RNF40: variants seen among roughly 807,000 people sequenced by gnomAD.
RNF40 encodes E3 ubiquitin-protein ligase BRE1B.
RNF40 carries 39 observed loss-of-function variants against 123.3 expected under a neutral mutation model. The ratio of observed to expected loss-of-function variants is 0.32; its 90% CI spans 0.24 to 0.41. The LOEUF (loss-of-function observed/expected upper bound fraction) is 0.41. Ranked by LOEUF, RNF40 falls within the 10% of genes least tolerant of loss-of-function variation. The pLI is 1.00. For missense variants in RNF40, 1,003 were observed against 1,319.9 expected (o/e 0.76, Z 3.72); for synonymous variants, 538 against 526.0 (o/e 1.02, Z -0.31).
Position 30,775,176 on chromosome 16 carries a change from A to G in RNF40, c.*1062A>G, listed in dbSNP as rs1344115424. 1.1e-5 allele frequency: 4 copies of G among 353,980 alleles called. No homozygotes were observed. Among genetic ancestry groups the G allele is most frequent in the South Asian group, 4.2e-5 (2 of 48,006 alleles). The allele number at this position is 353,980 out of a possible 1,614,324, so 21.9% of individuals were successfully genotyped here. A position where few individuals can be genotyped will look rare whatever the true frequency, so the allele number is the denominator to read the frequency against. On this transcript the variant is annotated 3_prime_UTR_variant, in exon 20 of 20. Coordinates refer to ENST00000324685, the MANE Select transcript of RNF40 (RefSeq NM_014771.4). The stretch of plus-strand genomic sequence containing the variant: ...GTTAATTGTGATGAATAAACGTTCA[A>G]CCCTCGGCCTGCAGCCAGAGTAGCC...
chr16:30,763,169 C>G lies in RNF40; in HGVS notation c.184C>G (p.Arg62Gly), dbSNP rs1047310031. The change falls in exon 3 of 20, where the codon CGG becomes GGG. Residue 62 changes from arginine (R) to glycine (G), a missense_variant. Physicochemically the swap from Arg to Gly is moderately radical, Grantham distance 125 (BLOSUM62 -2). This residue lies in a region of RNF40 where 21 missense variants were observed against 43.7 expected (regional missense o/e 0.48). Coordinates refer to ENST00000324685, the MANE Select transcript of RNF40 (RefSeq NM_014771.4). Reference protein sequence around the residue: ...LQFKNKKLAERLEQRQACEDE... With the variant: ...LQFKNKKLAEGLEQRQACEDE... Reference sequence around the variant, plus strand: ...GTTCAAGAACAAGAAACTGGCAGAGCGGCTGGAACAACGGCAGGCTTGTGA... The same window carrying G: ...GTTCAAGAACAAGAAACTGGCAGAGGGGCTGGAACAACGGCAGGCTTGTGA... The G allele has an allele frequency of 1.2e-6, 2 of 1,613,854 alleles. No individual in the cohort carries two copies. Among genetic ancestry groups the G allele is most frequent in the African/African-American group, 1.3e-5 (1 of 74,912 alleles).
Position 30,768,095 on chromosome 16 carries a change from C to T in RNF40, c.1552-8C>T, listed in dbSNP as rs1237464973. 9.3e-6 allele frequency: 15 copies of T among 1,611,680 alleles called. No homozygotes were observed. The Admixed American group carries it at 2.3e-4, about 25-fold the overall frequency. ...TGACTTCATCCCTCTTCCTCTCTGCCTTTGCAGCTCCGGGCCCAGGCCAGT... is the reference window on the plus strand; with the variant it reads ...TGACTTCATCCCTCTTCCTCTCTGCTTTTGCAGCTCCGGGCCCAGGCCAGT... On this transcript the variant is annotated splice_polypyrimidine_tract_variant and splice_region_variant and intron_variant, in intron 12 of 19. Transcript: ENST00000324685. This position sits in a 1 kb window ranked among gnomAD's most constrained non-coding sequence, Gnocchi z 4.1.
rs1198161035 is a variant in RNF40 at position 30,774,137 on chromosome 16, G to A, written c.*23G>A. On this transcript the variant is annotated 3_prime_UTR_variant, in exon 20 of 20. Transcript: ENST00000324685. ...TGAACCTGAAACTCAGGGGACTCTG[G>A]AACACCATGGACCCTGGGGGCTGTG... The A allele has an allele frequency of 2.5e-6, 4 of 1,603,216 alleles. No homozygotes were observed. Among genetic ancestry groups the A allele is most frequent in the African/African-American group, 1.3e-5 (1 of 74,668 alleles).
In RNF40 at chr16:30,764,164, G is replaced by T. The variant is rs1413932864; in HGVS notation, c.443-15G>T. Reference sequence around the variant, plus strand: ...GCTGCTCTTATCCTCATGAGGGTCTGTCCATTCCTTCCAGACCCCTTGCTG... The same window carrying T: ...GCTGCTCTTATCCTCATGAGGGTCTTTCCATTCCTTCCAGACCCCTTGCTG... On this transcript the variant is annotated splice_polypyrimidine_tract_variant and intron_variant, in intron 4 of 19. Coordinates refer to ENST00000324685, the MANE Select transcript of RNF40 (RefSeq NM_014771.4). The T allele has an allele frequency of 6.3e-7, 1 of 1,598,846 alleles. No homozygotes were observed. The highest frequency in any genetic ancestry group is 1.7e-5 in the Admixed American group (1 of 58,124).
chr16:30,766,145 C>G lies in RNF40; in HGVS notation c.994-18C>G. ...ACGTCTGGCCCTGCCTCCCATGGCCCTGCCTCCCACTCCTTAGTTTGAGAT... is the reference window on the plus strand; with the variant it reads ...ACGTCTGGCCCTGCCTCCCATGGCCGTGCCTCCCACTCCTTAGTTTGAGAT... On this transcript the variant is annotated intron_variant, in intron 8 of 19. Transcript: ENST00000324685. This position sits in a 1 kb window ranked among gnomAD's most constrained non-coding sequence, Gnocchi z 5.4. 6.2e-7 allele frequency: 1 copy of G among 1,613,708 alleles called. No individual in the cohort carries two copies. Among genetic ancestry groups the G allele is most frequent in the Non-Finnish European group, 8.5e-7 (1 of 1,179,960 alleles).
intron 17 of RNF40, among the ~76,000 whole-genome samples, chr16:30,769,939 A>T (rs1273834731): frequency 6.6e-6 from 1 of 151,848 alleles, no homozygotes; most frequent in Non-Finnish European, 1.5e-5. Flanking sequence ...CTCTACAAAA[A>T]AATTTTAAAA....
rs565207865 is a variant in RNF40 at position 30,776,050 on chromosome 16, A to G, written c.*1936A>G. The G allele has an allele frequency of 4.6e-5, 7 of 152,350 alleles. No individual in the cohort carries two copies. In the East Asian group the frequency reaches 1.4e-3, roughly 29 times the overall value. The allele number at this position is 152,350 out of a possible 1,614,324, so 9.4% of individuals were successfully genotyped here. A position where few individuals can be genotyped will look rare whatever the true frequency, so the allele number is the denominator to read the frequency against. ...TGGGAAAAACGCAGGATATTGCATC[A>G]TAGAGACGCGGCCACCTTCGCCCCT... On this transcript the variant is annotated 3_prime_UTR_variant, in exon 20 of 20. Transcript: ENST00000324685.
Position 30,768,734 on chromosome 16 carries a change from G to A in RNF40, c.2095G>A (p.Glu699Lys), listed in dbSNP as rs1441685970. The A allele has an allele frequency of 1.9e-6, 3 of 1,613,948 alleles. No homozygotes were observed. Among genetic ancestry groups the A allele is most frequent in the South Asian group, 1.1e-5 (1 of 91,082 alleles). The change falls in exon 14 of 20, where the codon GAG becomes AAG. Residue 699 changes from glutamate to lysine, a missense_variant and splice_region_variant. By Grantham distance (56) the Glu-to-Lys change is moderately conservative. Coordinates refer to ENST00000324685, the MANE Select transcript of RNF40 (RefSeq NM_014771.4). The surrounding 1 kb of genome is among the most constrained non-coding windows in gnomAD (Gnocchi z 4.1). ...LMAAERKAKA[E>K]VDELRSRIRE... ...GGCAGCGGAACGCAAGGCTAAGGCC[G>A]AGGTGAGGGCAGCTGGGGCTTGTGG...
chr16:30,762,345 G>T lies in RNF40; in HGVS notation c.-87G>T. 1 of 551,630 alleles carries T rather than the reference G, an allele frequency of 1.8e-6. No individual in the cohort carries two copies. Among genetic ancestry groups the T allele is most frequent in the East Asian group, 3.4e-5 (1 of 29,238 alleles). The allele number at this position is 551,630 out of a possible 1,614,324, so 34.2% of individuals were successfully genotyped here. On this transcript the variant is annotated 5_prime_UTR_variant, in exon 1 of 20. Transcript: ENST00000324685. ...GTGAAATCCAAGATGGCGGCGCTAG[G>T]CTGACCCTCCTGCTGGTGAGGGCTC...
chr16:30,764,477 G>C, intron 5 of RNF40, 92 bp downstream of exon 5: 1 of 1,151,804 alleles, frequency 8.7e-7, no homozygotes, highest in African/African-American at 1.5e-5. Flanking sequence ...CCGAGTCCAA[G>C]GGCGGCCAGA....
In RNF40 at chr16:30,762,639, C is replaced by T; in HGVS notation, c.94C>T (p.Leu32Phe). Residue 32 changes from leucine (L) to phenylalanine (F), a missense_variant, in exon 2 of 20, where the codon CTT becomes TTT. By Grantham distance (22) the Leu-to-Phe change is conservative. Around this residue, in one of 11 missense-constraint regions of RNF40, gnomAD observed 51 missense variants for 56.2 expected, o/e 0.91. Coordinates refer to ENST00000324685, the MANE Select transcript of RNF40 (RefSeq NM_014771.4). ...LSREEKTTTT[L>F]IEPIRLGGIS... ...TCGTGAGGAGAAGACCACCACGACT[C>T]TTATCGAGCCCATTCGTCTTGGAGG... is the stretch of plus-strand genomic sequence containing the variant. The T allele has an allele frequency of 6.2e-7, 1 of 1,612,920 alleles. No homozygotes were observed. The highest frequency in any genetic ancestry group is 8.5e-7 in the Non-Finnish European group (1 of 1,179,798).
rs2053920268 is a variant in RNF40, at chr16:30,763,099, C to T, written c.133-19C>T. 6.2e-7 allele frequency: 1 copy of T among 1,613,016 alleles called. No homozygotes were observed. The highest frequency in any genetic ancestry group is 1.3e-5 in the African/African-American group (1 of 74,902). ...GCCCTGCTTGACGCTCTCGTCGGCCCCTTTGTTTCCTTTGGTAGGAGGAGA... is the reference window on the plus strand; with the variant it reads ...GCCCTGCTTGACGCTCTCGTCGGCCTCTTTGTTTCCTTTGGTAGGAGGAGA... On this transcript the variant is annotated intron_variant, in intron 2 of 19. Transcript: ENST00000324685.
At chr16:30,771,442 C>A (rs924224200) in intron 17 of RNF40, among the ~76,000 whole-genome samples, 12 of 151,848 alleles carry the variant, frequency 7.9e-5, no homozygotes, top group South Asian at 2.1e-4. Flanking sequence ...ACGGTGAAAC[C>A]CCATCTCTAC....
Position 30,763,086 on chromosome 16 carries a change from G to T in RNF40, c.133-32G>T, listed in dbSNP as rs749038679. 12 of 1,611,286 alleles carry T rather than the reference G, an allele frequency of 7.4e-6. No homozygotes were observed. The African/African-American group carries it at 1.3e-4, about 18-fold the overall frequency. On this transcript the variant is annotated intron_variant, in intron 2 of 19. Transcript: ENST00000324685. ...GATTGGTTTGTGGGCCCTGCTTGAC[G>T]CTCTCGTCGGCCCCTTTGTTTCCTT...
intron 5 of RNF40, among the ~76,000 whole-genome samples, 162 bp from the exon 6 acceptor site, chr16:30,764,776 G>T (rs1217685181): frequency 6.6e-6 from 1 of 152,216 alleles, no homozygotes; most frequent in Non-Finnish European, 1.5e-5. Flanking sequence ...CTCTGAGCTG[G>T]TTTCCTTCTC....
chr16:30,768,484 A>G lies in RNF40; in HGVS notation c.1933A>G (p.Lys645Glu). The G allele has an allele frequency of 6.2e-7, 1 of 1,609,778 alleles. No individual in the cohort carries two copies. Among genetic ancestry groups the G allele is most frequent in the Non-Finnish European group, 8.5e-7 (1 of 1,177,490 alleles). ...DREKAKVEET[K>E]RKESELLKGL... is the part of the protein sequence containing the mutation. ...GGAGAAGGCCAAGGTGGAAGAAACC[A>G]AGCGGAAGGAATCAGAACTCCTCAA... The change falls in exon 13 of 20, where the codon AAG becomes GAG. Residue 645 changes from lysine (K) to glutamate (E), a missense_variant. Physicochemically the swap from Lys to Glu is moderately conservative, Grantham distance 56. This residue lies in a region of RNF40 where 295 missense variants were observed against 331.7 expected (regional missense o/e 0.89). Transcript: ENST00000324685. The surrounding 1 kb of genome is among the most constrained non-coding windows in gnomAD (Gnocchi z 4.1).
chr16:30,774,031 C>A lies in RNF40; in HGVS notation c.2923C>A (p.Arg975Ser). ...TTTCTGCTTCGAGTGCGTGCGGGGC[C>A]GCTATGAGGCCCGCCAGAGGAAGTG... is the stretch of plus-strand genomic sequence containing the variant. ...HVFCFECVRG[R>S]YEARQRKCPK... Residue 975 changes from arginine to serine, a missense_variant, in exon 20 of 20, where the codon CGC becomes AGC. Transcript: ENST00000324685. The A allele has an allele frequency of 6.2e-7, 1 of 1,614,074 alleles. No homozygotes were observed. Among genetic ancestry groups the A allele is most frequent in the Non-Finnish European group, 8.5e-7 (1 of 1,179,900 alleles).
chr16:30,762,751 A>G (rs1046060564), intron 2 of RNF40, 74 bp downstream of exon 2: 8 of 1,561,418 alleles, frequency 5.1e-6, no homozygotes, highest in African/African-American at 2.8e-5. Context: ...ACTGTGCGGA[A>G]TCTTACACCC....
chr16:30,762,281 G>GGT, upstream of RNF40: 1 of 463,868 alleles, frequency 2.2e-6, no homozygotes, highest in Non-Finnish European at 3.8e-6. Context: ...CACCGTTGGG[G>GGT]GGGGGGCAGT....
Sources: gnomAD v4.1 joint callset for allele counts (sites outside exome capture counted in the v4.1 genomes callset) on GRCh38, gnomAD v4.1.1 for gene constraint, gnomAD v4.1.1 regional missense constraint, Gnocchi (gnomAD v3.1) non-coding constraint, MANE v1.5 for transcripts, NCBI Gene and HGNC (gene_info 2026-07-23, HGNC 2026-07-21) for gene names.